NLRC3: variants seen among roughly 807,000 people sequenced by gnomAD.
NLRC3 encodes the protein NLR family CARD domain containing 3.
Under a neutral mutation model 91.6 loss-of-function variants are expected in NLRC3, and 87 were observed. The ratio of observed to expected loss-of-function variants is 0.95; its 90% CI spans 0.80 to 1.14. NLRC3 has a LOEUF of 1.14. Ranked by LOEUF, NLRC3 falls within the 50% of genes most tolerant of loss-of-function variation. NLRC3 has a pLI of 0.00. For synonymous variants in NLRC3, 694 were observed against 625.3 expected, an observed-to-expected ratio of 1.11 and a Z score of -1.64; for missense variants, 1,577 against 1,418.6, an observed-to-expected ratio of 1.11 and a Z score of -1.79.
intron 14 of NLRC3, 117 bp downstream of exon 14, chr16:3,548,551 CCT>C (rs2151084939): frequency 1.3e-6 from 1 of 760,368 alleles, no homozygotes; most frequent in Non-Finnish European, 2.2e-6. Context: ...CCGGGCAGCC[CCT>C]GAGACCTTTG....
intron 13 of NLRC3, 117 bp from the exon 14 acceptor site, chr16:3,548,870 C>T: frequency 1.4e-6 from 1 of 729,480 alleles, no homozygotes; most frequent in Non-Finnish European, 2.3e-6. Context: ...CGAGGGGGTG[C>T]TTCCTGGGGA....
At chr16:3,546,386 G>A (rs1159835514) in intron 15 of NLRC3, among the ~76,000 whole-genome samples, 7 of 148,928 alleles carry the variant, frequency 4.7e-5, no homozygotes, top group East Asian at 3.9e-4. Context: ...GTGAAACCCC[G>A]TCTCTATTAA....
At chr16:3,554,912 C>T (rs2039221749) in intron 8 of NLRC3, among the ~76,000 whole-genome samples, 1 of 152,092 alleles carries the variant, frequency 6.6e-6, no homozygotes, top group African/African-American at 2.4e-5. Context: ...CTGTCCATCC[C>T]GTGGAATATG....
chr16:3,564,567 GGGCGACGGTCCT>G lies in NLRC3; in HGVS notation c.358_369del (p.Arg120_Ala123del), dbSNP rs762517907. 4.2e-5 allele frequency: 67 copies of G among 1,611,784 alleles called. No individual in the cohort carries two copies. The highest frequency in any genetic ancestry group is 5.6e-5 in the Non-Finnish European group (66 of 1,179,664). ...GAGAGAGGCAGGAAGAGCCGGTCCA[GGGCGACGGTCCT>G]GGCGGGGTGCCCGCCCCCGCGGGTG... On this transcript the variant is annotated inframe_deletion, in exon 5 of 20. Transcript: ENST00000359128. This position sits in a 1 kb window ranked among gnomAD's most constrained non-coding sequence, Gnocchi z 5.9.
At chr16:3,562,917 G>T in intron 5 of NLRC3, 92 bp downstream of exon 5, 1 of 1,156,060 alleles carries the variant, frequency 8.7e-7, no homozygotes, top group Non-Finnish European at 1.3e-6. Flanking sequence ...AGCCCTAGGA[G>T]ACTGACAGAG....
Position 3,561,344 on chromosome 16 carries a change from G to T in NLRC3, c.2015+358C>A, listed in dbSNP as rs545115769. On this transcript the variant is annotated intron_variant, in intron 6 of 19. Coordinates refer to ENST00000359128, the MANE Select transcript of NLRC3 (RefSeq NM_178844.4). Reference sequence around the variant, plus strand: ...CTGGGGTGACAAAGCAAGACTGTCTGGGGGGGATAATTATAATCCTGTGCC... The same window carrying T: ...CTGGGGTGACAAAGCAAGACTGTCTTGGGGGGATAATTATAATCCTGTGCC... Among the ~76,000 whole-genome samples, 8 of 152,088 alleles carry T rather than the reference G, an allele frequency of 5.3e-5. No homozygotes were observed. In the East Asian group the frequency reaches 7.7e-4, roughly 15 times the overall value.
At chr16:3,557,347 C>T (rs1215354908) in intron 7 of NLRC3, among the ~76,000 whole-genome samples, 2 of 152,202 alleles carry the variant, frequency 1.3e-5, no homozygotes, top group Admixed American at 1.3e-4. Context: ...TTCTGCCCCA[C>T]CAGGAAGGCA....
chr16:3,553,126 T>C (rs2039100507), intron 9 of NLRC3, among the ~76,000 whole-genome samples: 1 of 152,156 alleles, frequency 6.6e-6, no homozygotes, highest in African/African-American at 2.4e-5. Context: ...CTAAAAAATG[T>C]AATTTTCCCT....
chr16:3,544,026 A>T, intron 16 of NLRC3: 1 of 537,532 alleles, frequency 1.9e-6, no homozygotes, highest in South Asian at 2.3e-5. Context: ...GTGGTGGTGC[A>T]CGCCTGTTAT....
At position 3,548,210 on chromosome 16, in the gene NLRC3, C is replaced by T; in HGVS notation, c.2696G>A (p.Trp899Ter). 1 of 1,591,626 alleles carries T rather than the reference C, an allele frequency of 6.3e-7. No individual in the cohort carries two copies. Among genetic ancestry groups the T allele is most frequent in the Non-Finnish European group, 8.6e-7 (1 of 1,169,060 alleles). ...NRTLTSLHLQ[W>*]NFIQAGAAQA... The stretch of plus-strand genomic sequence containing the variant: ...GGCAGCGCCGGCCTGGATGAAGTTC[C>T]ACTGCAGGCTGGGCAGACACAGACA... The change falls in exon 15 of 20, where the codon TGG becomes TAG. Residue 899 changes from tryptophan (W) to a stop codon, truncating the protein, a stop_gained. Transcript: ENST00000359128. LOFTEE classifies it high-confidence loss of function.
Position 3,539,554 on chromosome 16 carries a change from C to T in NLRC3, c.*2271G>A, listed in dbSNP as rs1033185664. 2 of 152,252 alleles carry T rather than the reference C, an allele frequency of 1.3e-5. No homozygotes were observed. Among genetic ancestry groups the T allele is most frequent in the South Asian group, 4.1e-4 (2 of 4,832 alleles). 9.4% of individuals were successfully genotyped at this position (152,252 alleles called of 1,614,324 possible). ...AGCGTTAGGTTTCTGTAGGGCCCAG[C>T]TTTCTCCAGTGTTTGGCTACTGCAA... On this transcript the variant is annotated 3_prime_UTR_variant, in exon 20 of 20. Coordinates refer to ENST00000359128, the MANE Select transcript of NLRC3 (RefSeq NM_178844.4).
At chr16:3,561,344 G>C (rs545115769) in intron 6 of NLRC3, among the ~76,000 whole-genome samples, 1 of 152,088 alleles carries the variant, frequency 6.6e-6, no homozygotes, top group Non-Finnish European at 1.5e-5. Context: ...AAGACTGTCT[G>C]GGGGGGATAA....
chr16:3,573,843 G>T (rs1471620008), intron 1 of NLRC3, among the ~76,000 whole-genome samples: 1 of 151,930 alleles, frequency 6.6e-6, no homozygotes, highest in African/African-American at 2.4e-5. Context: ...AATAAAGACA[G>T]GGTCCTGCTT....
chr16:3,555,086 TGGGTGTG>T (rs1432102174), intron 8 of NLRC3, among the ~76,000 whole-genome samples: 1 of 151,790 alleles, frequency 6.6e-6, no homozygotes, highest in Non-Finnish European at 1.5e-5. Context: ...AAAAATTAGC[TGGGTGTG>T]GTGGCACATG....
chr16:3,540,420 A>T lies in NLRC3; in HGVS notation c.*1405T>A, dbSNP rs2038349713. On this transcript the variant is annotated 3_prime_UTR_variant, in exon 20 of 20. Transcript: ENST00000359128. ...GGATTTTTTTCCCTCCAACACAAAC[A>T]GCTGCAGGAATTGGTGCCACATAGA... 1 of 152,186 alleles carries T rather than the reference A, an allele frequency of 6.6e-6. No homozygotes were observed. The highest frequency in any genetic ancestry group is 2.4e-5 in the African/African-American group (1 of 41,430). The allele number at this position is 152,186 out of a possible 1,614,324, so 9.4% of individuals were successfully genotyped here. A position where few individuals can be genotyped will look rare whatever the true frequency, so the allele number is the denominator to read the frequency against.
intron 1 of NLRC3, among the ~76,000 whole-genome samples, chr16:3,576,653 T>C (rs1383213055): frequency 1.3e-5 from 2 of 152,094 alleles, no homozygotes; most frequent in Non-Finnish European, 2.9e-5. Flanking sequence ...GTTTTTTCTT[T>C]TCTTTTTTGT....
rs1461902263 is a variant in NLRC3 at position 3,539,241 on chromosome 16, G to A, written c.*2584C>T. The A allele has an allele frequency of 6.6e-6, 1 of 152,126 alleles. No homozygotes were observed. The highest frequency in any genetic ancestry group is 2.4e-5 in the African/African-American group (1 of 41,418). The allele number at this position is 152,126 out of a possible 1,614,324, so 9.4% of individuals were successfully genotyped here. On this transcript the variant is annotated 3_prime_UTR_variant, in exon 20 of 20. Coordinates refer to ENST00000359128, the MANE Select transcript of NLRC3 (RefSeq NM_178844.4). ...CACTACATAAATATCATAGCTGTTA[G>A]ACCCAGGGGACTCTCAGGTGCCAGA...
Position 3,571,053 on chromosome 16 carries a change from G to A in NLRC3, c.-168-3729C>T, listed in dbSNP as rs142661520. On this transcript the variant is annotated intron_variant, in intron 1 of 19. Transcript: ENST00000359128. ...ATAGATACATAAGTCAACAGAATAGGATATAGAGGCCAGGAACAAATATAT... is the reference window on the plus strand; with the variant it reads ...ATAGATACATAAGTCAACAGAATAGAATATAGAGGCCAGGAACAAATATAT... Among the ~76,000 whole-genome samples, 1,115 of 152,216 alleles carry A rather than the reference G, an allele frequency of 7.3e-3. 6 individuals are homozygous for A. Among genetic ancestry groups the A allele is most frequent in the Non-Finnish European group, 0.011 (736 of 68,018 alleles).
chr16:3,555,229 CAA>C (rs149218240), intron 8 of NLRC3, among the ~76,000 whole-genome samples: 10 of 82,422 alleles, frequency 1.2e-4, no homozygotes, highest in Admixed American at 2.5e-4. Flanking sequence ...GACTCCGTCT[CAA>C]AAAAAAAAAA....
Sources: gnomAD v4.1 joint callset for allele counts (sites outside exome capture counted in the v4.1 genomes callset) on GRCh38, gnomAD v4.1.1 for gene constraint, Gnocchi (gnomAD v3.1) non-coding constraint, MANE v1.5 for transcripts, NCBI Gene and HGNC (gene_info 2026-07-23, HGNC 2026-07-21) for gene names.